Variants in AADAT observed in about 807,000 individuals in gnomAD.
AADAT encodes aminoadipate aminotransferase, also known as kynurenine/alpha-aminoadipate aminotransferase, mitochondrial.
In AADAT, 25 loss-of-function variants were observed where a neutral mutation model predicts 56.2. That is an observed-to-expected ratio of 0.44 (90% confidence interval 0.32 to 0.62). The LOEUF is 0.62. Among genes scored for constraint, AADAT ranks in the 20% least tolerant of loss-of-function variants. The probability of loss-of-function intolerance (pLI) is 0.04; values close to 1 mark genes in which losing one functional copy is unlikely to be tolerated. For synonymous variants in AADAT, 173 were observed against 164.7 expected (o/e 1.05, Z -0.39); for missense variants, 387 against 510.5 (o/e 0.76, Z 2.33).
chr4:170,065,933 C>T (rs923590192), intron 10 of AADAT, among the ~76,000 whole-genome samples: 1 of 152,008 alleles, frequency 6.6e-6, no homozygotes, highest in African/African-American at 2.4e-5. Context: ...ATTAATTTGA[C>T]CTTCATAATA....
At chr4:170,068,995 A>C (rs1731624695) in intron 7 of AADAT, among the ~76,000 whole-genome samples, 153 bp downstream of exon 7, 1 of 152,224 alleles carries the variant, frequency 6.6e-6, no homozygotes, top group Admixed American at 6.5e-5. Flanking sequence ...AGGGAAAAAA[A>C]GGCCTGTGTT....
intron 5 of AADAT, among the ~76,000 whole-genome samples, chr4:170,071,780 C>T (rs1378613365): frequency 6.6e-6 from 1 of 151,860 alleles, no homozygotes; most frequent in Non-Finnish European, 1.5e-5. Context: ...GTGATGACAA[C>T]AGAGAAAAAT....
In AADAT at chr4:170,076,005, G is replaced by A. The variant is rs890902597; in HGVS notation, c.444+2504C>T. On this transcript the variant is annotated intron_variant, in intron 4 of 12. Coordinates refer to ENST00000337664, the MANE Select transcript of AADAT (RefSeq NM_016228.4). ...TCCATTCATCCACTGATGGACACTT[G>A]AGTTGCTTCTACCTTTTGGCTACTG... 2.6e-5 allele frequency among the ~76,000 whole-genome samples: 4 copies of A among 152,232 alleles called. No homozygotes were observed. In the South Asian group the frequency reaches 8.3e-4, roughly 32 times the overall value.
chr4:170,083,949 C>A (rs770684830), intron 3 of AADAT, among the ~76,000 whole-genome samples: 1 of 152,146 alleles, frequency 6.6e-6, no homozygotes, highest in African/African-American at 2.4e-5. Flanking sequence ...TTTATTATGG[C>A]ACTTATTCAC....
chr4:170,073,178 AG>A lies in AADAT; in HGVS notation c.611del (p.Thr204MetfsTer5). On this transcript the variant is annotated frameshift_variant, in exon 5 of 13. Transcript: ENST00000337664. LOFTEE classifies it high-confidence loss of function. ...TGCGTTCACTGGTTAATGAGTTTCC[AG>A]TAGGGTTGTTGCCATTTGGAACAGT... The part of the protein sequence containing the change: ...LYTVPNGNNP[T>X]GNSLTSERKK... The A allele has an allele frequency of 6.2e-7, 1 of 1,614,154 alleles. No individual in the cohort carries two copies. Among genetic ancestry groups the A allele is most frequent in the Non-Finnish European group, 8.5e-7 (1 of 1,180,012 alleles).
intron 3 of AADAT, among the ~76,000 whole-genome samples, chr4:170,081,507 A>G (rs1001232930): frequency 5.3e-5 from 8 of 152,206 alleles, no homozygotes; most frequent in Non-Finnish European, 1.2e-4. Flanking sequence ...CAAGGCATAT[A>G]AGAATTAAAC....
upstream of AADAT, among the ~76,000 whole-genome samples, chr4:170,092,251 G>A (rs922284106): frequency 6.6e-6 from 1 of 152,210 alleles, no homozygotes; most frequent in African/African-American, 2.4e-5. Flanking sequence ...GACTCTTTGG[G>A]TCCACATTGC....
chr4:170,078,492 TA>T lies in AADAT; in HGVS notation c.444+16del, dbSNP rs1732145543. 6.4e-7 allele frequency: 1 copy of T among 1,555,294 alleles called. No individual in the cohort carries two copies. The highest frequency in any genetic ancestry group is 1.4e-5 in the African/African-American group (1 of 73,600). On this transcript the variant is annotated intron_variant, in intron 4 of 12. Transcript: ENST00000337664. ...TTTACTACAAGAGAGTTGCCTTTAGTAAAAATGTATACTCACACTTTGAAGA... is the reference window on the plus strand; with the variant it reads ...TTTACTACAAGAGAGTTGCCTTTAGTAAAATGTATACTCACACTTTGAAGA...
At chr4:170,082,282 TA>T (rs764918095) in intron 3 of AADAT, among the ~76,000 whole-genome samples, 1 of 152,184 alleles carries the variant, frequency 6.6e-6, no homozygotes, top group Non-Finnish European at 1.5e-5. Flanking sequence ...AGTTAAAGAA[TA>T]GAGGATTTTT....
intron 7 of AADAT, 53 bp from the exon 8 acceptor site, chr4:170,068,740 A>AT: frequency 8.5e-7 from 1 of 1,170,218 alleles, no homozygotes. Flanking sequence ...CAATTAATAC[A>AT]TATCACTTTC....
At chr4:170,080,015 A>C (rs1410102594) in intron 3 of AADAT, among the ~76,000 whole-genome samples, 1 of 152,146 alleles carries the variant, frequency 6.6e-6, no homozygotes, top group Non-Finnish European at 1.5e-5. Flanking sequence ...GAAGGGAGGG[A>C]AAGTGGGCTG....
At chr4:170,062,910 G>C (rs1402610557) in intron 11 of AADAT, among the ~76,000 whole-genome samples, 1 of 152,192 alleles carries the variant, frequency 6.6e-6, no homozygotes, top group Non-Finnish European at 1.5e-5. Flanking sequence ...AGGGTTGCAG[G>C]TCACATCTTA....
In AADAT at chr4:170,073,343, C is replaced by G. The variant is rs769598801; in HGVS notation, c.447G>C (p.Leu149=). The change falls in exon 5 of 13, where the codon CTG becomes CTC. Residue 149 remains leucine, a splice_region_variant and synonymous_variant. Transcript: ENST00000337664. Reference sequence around the variant, plus strand: ...TAATAATGTTGCAGCCCAGTGGGTGCAGCTGTTGAGCACAAAAGAAAGCCT... The same window carrying G: ...TAATAATGTTGCAGCCCAGTGGGTGGAGCTGTTGAGCACAAAAGAAAGCCT... ...EPAYSGTLQS[L]HPLGCNIINV... is the part of the protein sequence containing the mutation. 2.0e-5 allele frequency: 32 copies of G among 1,612,996 alleles called. No homozygotes were observed. Among genetic ancestry groups the G allele is most frequent in the Non-Finnish European group, 2.5e-5 (30 of 1,179,692 alleles).
intron 3 of AADAT, among the ~76,000 whole-genome samples, chr4:170,085,323 A>C (rs1581596447): frequency 6.6e-6 from 1 of 152,158 alleles, no homozygotes; most frequent in African/African-American, 2.4e-5. Context: ...TATATTTTTC[A>C]TATCAGTTAG....
At chr4:170,071,023 C>T (rs1731736282) in intron 5 of AADAT, among the ~76,000 whole-genome samples, 1 of 152,212 alleles carries the variant, frequency 6.6e-6, no homozygotes, top group Non-Finnish European at 1.5e-5. Flanking sequence ...AGTGATTCTC[C>T]TGCCTCAGCC....
chr4:170,064,451 T>G (rs1156868592), intron 11 of AADAT, among the ~76,000 whole-genome samples: 1 of 152,182 alleles, frequency 6.6e-6, no homozygotes, highest in Non-Finnish European at 1.5e-5. Flanking sequence ...ACCCAACAGG[T>G]GTGGCTCCGG....
intron 7 of AADAT, 28 bp from the exon 8 acceptor site, chr4:170,068,715 C>T: frequency 1.4e-6 from 2 of 1,413,844 alleles, no homozygotes; most frequent in Non-Finnish European, 2.0e-6. Context: ...AGGCACGATA[C>T]CAATTCCATA....
chr4:170,081,082 A>G (rs1732279653), intron 3 of AADAT, among the ~76,000 whole-genome samples: 1 of 152,194 alleles, frequency 6.6e-6, no homozygotes, highest in Admixed American at 6.5e-5. Context: ...AATTTATCAG[A>G]GACATTTAAC....
chr4:170,071,588 G>A (rs1731765583), intron 5 of AADAT, among the ~76,000 whole-genome samples: 1 of 152,202 alleles, frequency 6.6e-6, no homozygotes, highest in Admixed American at 6.5e-5. Context: ...AACCACCGGA[G>A]GGCTGTAAAC....
Sources: gnomAD v4.1 joint callset for allele counts (sites outside exome capture counted in the v4.1 genomes callset) on GRCh38, gnomAD v4.1.1 for gene constraint, MANE v1.5 for transcripts, NCBI Gene and HGNC (gene_info 2026-07-23, HGNC 2026-07-21) for gene names.